LY75: variants seen among roughly 807,000 people sequenced by gnomAD.
LY75 encodes the protein C-type lectin domain family 13 member B.
LY75 carries 185 observed loss-of-function variants against 231.7 expected under a neutral mutation model. The ratio of observed to expected loss-of-function variants is 0.80; its 90% CI spans 0.71 to 0.90. LY75 has a LOEUF of 0.90. Ranked by LOEUF, LY75 falls within the 40% of genes least tolerant of loss-of-function variation. The pLI is 0.00. For missense variants in LY75, 1,947 were observed against 2,050.2 expected, an observed-to-expected ratio of 0.95 and a Z score of 0.97; for synonymous variants, 668 against 689.0, an observed-to-expected ratio of 0.97 and a Z score of 0.48.
At chr2:159,813,847 C>A (rs182171827) in intron 31 of LY75, 66 of 152,316 alleles carry the variant, frequency 4.3e-4, no homozygotes, top group African/African-American at 1.4e-3. Context: ...CATTCTCTAT[C>A]CTATAAAGCC....
intron 1 of LY75, among the ~76,000 whole-genome samples, chr2:159,904,333 C>T (rs1686171399): frequency 6.6e-6 from 1 of 152,230 alleles, no homozygotes; most frequent in Admixed American, 6.5e-5. Context: ...TACGGTGCAC[C>T]GCGTCCCCTC....
intron 28 of LY75, among the ~76,000 whole-genome samples, chr2:159,821,693 T>A (rs1266130904): frequency 3.3e-5 from 5 of 151,608 alleles, no homozygotes; most frequent in Admixed American, 6.6e-5. Flanking sequence ...AGCAAAGCCT[T>A]CTTACATATG....
rs553504169 is a variant in LY75, at chr2:159,842,181, C to A, written c.3280+64G>T. 4.7e-3 allele frequency: 7,148 copies of A among 1,522,552 alleles called. 462 individuals carry two copies. The African/African-American group carries it at 0.094, about 20-fold the overall frequency. 94.3% of individuals were successfully genotyped at this position (1,522,552 alleles called of 1,614,324 possible). Reference sequence around the variant, plus strand: ...CCCTCCCTATAGAAAGTGACTCTCTCTCTCTCTATATATATATATGTAATA... The same window carrying A: ...CCCTCCCTATAGAAAGTGACTCTCTATCTCTCTATATATATATATGTAATA... On this transcript the variant is annotated intron_variant, in intron 24 of 34. Transcript: ENST00000263636.
chr2:159,810,030 T>A (rs567162123), intron 32 of LY75, among the ~76,000 whole-genome samples: 1 of 151,062 alleles, frequency 6.6e-6, no homozygotes, highest in Admixed American at 6.6e-5. Flanking sequence ...GTACTTATTA[T>A]TAACATTGAT....
intron 26 of LY75, among the ~76,000 whole-genome samples, chr2:159,834,586 A>G (rs1215319850): frequency 6.6e-6 from 1 of 152,212 alleles, no homozygotes; most frequent in Non-Finnish European, 1.5e-5. Context: ...TTTATTTTAA[A>G]GTTTCTGTCT....
chr2:159,814,975 C>T (rs1020524888), intron 31 of LY75, among the ~76,000 whole-genome samples: 24 of 146,740 alleles, frequency 1.6e-4, no homozygotes, highest in Non-Finnish European at 2.7e-4. Context: ...ATTATTTTCA[C>T]AAAAATTATT....
Position 159,881,221 on chromosome 2 carries a change from CCA to C in LY75, c.1264_1265del (p.Trp422AspfsTer4). ...LHNEDIKEEV[W>X]IGLKNINIPT... ...GTATGTTTATGTTCTTAAGGCCTAT[CCA>C]CACTTCTTCTTTGATATCTAAAAGA... On this transcript the variant is annotated frameshift_variant, in exon 8 of 35. Coordinates refer to ENST00000263636, the MANE Select transcript of LY75 (RefSeq NM_002349.4). LOFTEE classifies it high-confidence loss of function. 6.2e-7 allele frequency: 1 copy of C among 1,611,720 alleles called. No individual in the cohort carries two copies. The highest frequency in any genetic ancestry group is 2.2e-5 in the East Asian group (1 of 44,828).
At position 159,875,648 on chromosome 2, in the gene LY75, G is replaced by A; in HGVS notation, c.1775-5C>T. 6.2e-7 allele frequency: 1 copy of A among 1,613,552 alleles called. No individual in the cohort carries two copies. Among genetic ancestry groups the A allele is most frequent in the Middle Eastern group, 1.7e-4 (1 of 6,044 alleles). On this transcript the variant is annotated splice_region_variant and splice_polypyrimidine_tract_variant and intron_variant, in intron 11 of 34. Transcript: ENST00000263636. The stretch of plus-strand genomic sequence containing the variant: ...CCACGCAGCCGCCCGGGGAAGCTGG[G>A]ATTGAAGTGGAAAGCTCAATTAAAA...
Position 159,874,845 on chromosome 2 carries a change from GTAAA to G in LY75, c.1974+595_1974+598del, listed in dbSNP as rs1212524951. Among the ~76,000 whole-genome samples, 44 of 29,994 alleles carry G rather than the reference GTAAA, an allele frequency of 1.5e-3. 3 individuals carry two copies. Among genetic ancestry groups the G allele is most frequent in the Non-Finnish European group, 4.7e-3 (38 of 8,112 alleles). 19.7% of individuals were successfully genotyped at this position (29,994 alleles called of 152,430 possible). A position where few individuals can be genotyped will look rare whatever the true frequency, so the allele number is the denominator to read the frequency against. On this transcript the variant is annotated intron_variant, in intron 12 of 34. Transcript: ENST00000263636. Reference sequence around the variant, plus strand: ...AAATATATATATTTTGTAAATATATGTAAATATATATATATTTTGTAAATATATA... The same window carrying G: ...AAATATATATATTTTGTAAATATATGTATATATATATTTTGTAAATATATA...
intron 6 of LY75, among the ~76,000 whole-genome samples, chr2:159,883,524 T>C (rs1450602982): frequency 6.6e-6 from 1 of 152,212 alleles, no homozygotes; most frequent in Admixed American, 6.5e-5. Context: ...AATACATATT[T>C]TTACAAGATT....
chr2:159,812,006 G>C (rs1682974116), intron 31 of LY75, among the ~76,000 whole-genome samples: 1 of 152,202 alleles, frequency 6.6e-6, no homozygotes, highest in African/African-American at 2.4e-5. Context: ...TATGAAAATA[G>C]TTGGTTGGGC....
intron 13 of LY75, among the ~76,000 whole-genome samples, chr2:159,869,873 GTTATAATCTA>G (rs143269802): frequency 0.011 from 1,673 of 152,272 alleles, 17 homozygotes; most frequent in African/African-American, 0.038. Flanking sequence ...TTTTGCATTT[GTTATAATCTA>G]TTCTCAAGGT....
Position 159,890,310 on chromosome 2 carries a change from C to CT in LY75, c.704dup (p.Thr236AspfsTer18). On this transcript the variant is annotated frameshift_variant, in exon 4 of 35. Transcript: ENST00000263636. LOFTEE classifies it high-confidence loss of function. ...AAGCTTCTTTCCAAGAAAGAGCCGT[C>CT]TGAGTATTAAATTGGTAGCAACTTC... 1 of 1,613,522 alleles carries CT rather than the reference C, an allele frequency of 6.2e-7. No individual in the cohort carries two copies. Among genetic ancestry groups the CT allele is most frequent in the Non-Finnish European group, 8.5e-7 (1 of 1,179,676 alleles).
chr2:159,810,521 C>T lies in LY75; in HGVS notation c.4699+5G>A. The stretch of plus-strand genomic sequence containing the variant: ...TCATAAGAAAATCAACAAATTTTAA[C>T]TCACCATGTTTTGAACACAATTTTT... On this transcript the variant is annotated splice_donor_5th_base_variant and intron_variant, in intron 32 of 34. Coordinates refer to ENST00000263636, the MANE Select transcript of LY75 (RefSeq NM_002349.4). 1.2e-6 allele frequency: 2 copies of T among 1,606,054 alleles called. No individual in the cohort carries two copies.
At chr2:159,869,660 A>G (rs1204361018) in intron 13 of LY75, among the ~76,000 whole-genome samples, 1 of 152,206 alleles carries the variant, frequency 6.6e-6, no homozygotes, top group African/African-American at 2.4e-5. Context: ...GATACTCACT[A>G]CAATGGGAAC....
At chr2:159,846,859 T>C (rs369721186) in intron 23 of LY75, among the ~76,000 whole-genome samples, 45 of 152,236 alleles carry the variant, frequency 3.0e-4, no homozygotes, top group Non-Finnish European at 4.7e-4. Context: ...ACACTCCCAC[T>C]TGATGAACTA....
At chr2:159,844,337 A>ACC (rs1560077471) in intron 23 of LY75, among the ~76,000 whole-genome samples, 2 of 151,822 alleles carry the variant, frequency 1.3e-5, no homozygotes, top group African/African-American at 4.8e-5. Context: ...AAAAAAAAAA[A>ACC]AAAAAACTAT....
chr2:159,882,037 A>T, intron 7 of LY75, 87 bp downstream of exon 7: 2 of 1,459,932 alleles, frequency 1.4e-6, no homozygotes, highest in Non-Finnish European at 1.8e-6. Flanking sequence ...ATCAAACTGT[A>T]AGCTTTTCAT....
In LY75 at chr2:159,805,350, T is replaced by C. The variant is rs993819798; in HGVS notation, c.4991-128A>G. 4 of 596,992 alleles carry C rather than the reference T, an allele frequency of 6.7e-6. No individual in the cohort carries two copies. The African/African-American group carries it at 7.4e-5, about 11-fold the overall frequency. The allele number at this position is 596,992 out of a possible 1,614,324, so 37.0% of individuals were successfully genotyped here. A position where few individuals can be genotyped will look rare whatever the true frequency, so the allele number is the denominator to read the frequency against. On this transcript the variant is annotated intron_variant, in intron 34 of 34. Transcript: ENST00000263636. Reference sequence around the variant, plus strand: ...TATACAGACATAATAAATCTGATTGTTTCATAGCGCTAACATAGAATTCAA... The same window carrying C: ...TATACAGACATAATAAATCTGATTGCTTCATAGCGCTAACATAGAATTCAA...
Sources: allele counts gnomAD v4.1 joint callset (sites outside exome capture counted in the v4.1 genomes callset), GRCh38; gene constraint gnomAD v4.1.1; transcripts MANE v1.5; gene names NCBI Gene and HGNC (gene_info 2026-07-23, HGNC 2026-07-21).